ARHGAP17: variants seen among roughly 807,000 people sequenced by gnomAD.
ARHGAP17 encodes rho GTPase-activating protein 17.
In ARHGAP17, 57 loss-of-function variants were observed where a neutral mutation model predicts 99.5. The ratio of observed to expected loss-of-function variants is 0.57; its 90% confidence interval spans 0.46 to 0.71. The LOEUF is 0.71. ARHGAP17 is among the 30% of genes least tolerant of loss of function. ARHGAP17 has a pLI of 0.00. For synonymous variants in ARHGAP17, 417 were observed against 429.6 expected, an observed-to-expected ratio of 0.97 and a Z score of 0.36; for missense variants, 1,000 against 1,122.4, an observed-to-expected ratio of 0.89 and a Z score of 1.56.
In ARHGAP17 at chr16:24,959,757, G is replaced by T; in HGVS notation, c.643-5C>A. On this transcript the variant is annotated splice_region_variant and splice_polypyrimidine_tract_variant and intron_variant, in intron 8 of 19. Coordinates refer to ENST00000289968, the MANE Select transcript of ARHGAP17 (RefSeq NM_001006634.3). ...ATCTGCTTGGGCTTCTAATAACTGA[G>T]AACAGACCCACATTCAAAAACAAAA... The T allele has an allele frequency of 1.9e-6, 3 of 1,613,808 alleles. No individual in the cohort carries two copies. Among genetic ancestry groups the T allele is most frequent in the Non-Finnish European group, 2.5e-6 (3 of 1,179,898 alleles).
intron 1 of ARHGAP17, among the ~76,000 whole-genome samples, chr16:24,997,892 G>A (rs1002918395): frequency 6.6e-6 from 1 of 152,134 alleles, no homozygotes; most frequent in African/African-American, 2.4e-5. Context: ...CTTTTTTCTA[G>A]ATGGTTCTGA....
In ARHGAP17 at chr16:24,942,683, G is replaced by A. The variant is rs977623285; in HGVS notation, c.1334-540C>T. Among the ~76,000 whole-genome samples, 20 of 150,730 alleles carry A rather than the reference G, an allele frequency of 1.3e-4. 1 individual carries two copies. Among genetic ancestry groups the A allele is most frequent in the African/African-American group, 4.7e-4 (19 of 40,670 alleles). ...CTCAGGAGGCTGAGGCAGGAGAATC[G>A]CTTGAACCTGGGAGGCAGAGGTTGC... On this transcript the variant is annotated intron_variant, in intron 15 of 19. Transcript: ENST00000289968.
chr16:24,963,364 G>A (rs985625031), intron 7 of ARHGAP17, among the ~76,000 whole-genome samples: 9 of 151,912 alleles, frequency 5.9e-5, no homozygotes, highest in Non-Finnish European at 1.2e-4. Flanking sequence ...TCATTTAATT[G>A]CAGTTAACTG....
chr16:25,001,405 C>A (rs781505381), intron 1 of ARHGAP17, among the ~76,000 whole-genome samples: 1 of 152,054 alleles, frequency 6.6e-6, no homozygotes, highest in African/African-American at 2.4e-5. Context: ...TATTTTTGAA[C>A]CTTTAGAGCC....
chr16:24,947,635 A>G (rs373514169), intron 13 of ARHGAP17, 40 bp from the exon 14 acceptor site: 1 of 1,532,092 alleles, frequency 6.5e-7, no homozygotes, highest in Non-Finnish European at 9.0e-7. Flanking sequence ...CTCCTCTGAA[A>G]TAGCTGCTGG....
intron 13 of ARHGAP17, among the ~76,000 whole-genome samples, chr16:24,948,735 C>A (rs1435246114): frequency 6.6e-6 from 1 of 151,694 alleles, no homozygotes; most frequent in Non-Finnish European, 1.5e-5. Flanking sequence ...GTAAACTATT[C>A]TGACTGGTCA....
At position 25,015,317 on chromosome 16, in the gene ARHGAP17, C is replaced by A. The variant is rs1290054431; in HGVS notation, c.-56G>T. 2 of 1,259,408 alleles carry A rather than the reference C, an allele frequency of 1.6e-6. No homozygotes were observed. The highest frequency in any genetic ancestry group is 3.1e-5 in the African/African-American group (2 of 63,804). The allele number at this position is 1,259,408 out of a possible 1,614,324, so 78.0% of individuals were successfully genotyped here. Reference sequence around the variant, plus strand: ...TCGGGCCGGGCAGGGCGGGGGACAGCCTGGCAGCTACTACATCGCTTCCCG... The same window carrying A: ...TCGGGCCGGGCAGGGCGGGGGACAGACTGGCAGCTACTACATCGCTTCCCG... On this transcript the variant is annotated 5_prime_UTR_variant, in exon 1 of 20. Transcript: ENST00000289968.
At chr16:24,998,850 T>G (rs2053277206) in intron 1 of ARHGAP17, among the ~76,000 whole-genome samples, 1 of 152,114 alleles carries the variant, frequency 6.6e-6, no homozygotes, top group Non-Finnish European at 1.5e-5. Context: ...GTCACCCACA[T>G]GCCTGACCCC....
At chr16:25,009,556 G>A (rs555879689) in intron 1 of ARHGAP17, among the ~76,000 whole-genome samples, 6 of 152,250 alleles carry the variant, frequency 3.9e-5, no homozygotes, top group African/African-American at 1.4e-4. Flanking sequence ...CGGCAGCAGG[G>A]GACTGTTCTG....
At chr16:24,925,489 C>T (rs551693374) in intron 19 of ARHGAP17, among the ~76,000 whole-genome samples, 3 of 152,156 alleles carry the variant, frequency 2.0e-5, no homozygotes, top group African/African-American at 7.2e-5. Flanking sequence ...GATGATTTCT[C>T]GTCAGTTTTC....
chr16:24,985,931 C>T (rs560015171), intron 1 of ARHGAP17, among the ~76,000 whole-genome samples: 3 of 152,276 alleles, frequency 2.0e-5, no homozygotes, highest in East Asian at 3.9e-4. Flanking sequence ...AACTCCACCA[C>T]CTCCCTTTTT....
chr16:24,940,443 A>G (rs1205041144), intron 16 of ARHGAP17, among the ~76,000 whole-genome samples: 1 of 152,242 alleles, frequency 6.6e-6, no homozygotes, highest in African/African-American at 2.4e-5. Context: ...CTGTAATCTT[A>G]GCACTTTGGG....
chr16:25,006,551 C>T (rs1324749734), intron 1 of ARHGAP17, among the ~76,000 whole-genome samples: 1 of 151,976 alleles, frequency 6.6e-6, no homozygotes, highest in African/African-American at 2.4e-5. Context: ...TGACAGGTGA[C>T]TAGGGAGGGT....
chr16:24,942,233 G>T, intron 15 of ARHGAP17, 90 bp from the exon 16 acceptor site: 1 of 1,329,246 alleles, frequency 7.5e-7, no homozygotes, highest in Non-Finnish European at 1.0e-6. Flanking sequence ...CGGGAACCTC[G>T]TTCTTCAGTC....
At chr16:24,939,215 C>T in intron 17 of ARHGAP17, 149 bp downstream of exon 17, 1 of 691,832 alleles carries the variant, frequency 1.4e-6, no homozygotes, top group Non-Finnish European at 2.3e-6. Flanking sequence ...TCTTTTTTTC[C>T]ATCTTTTGCC....
chr16:24,953,125 C>A, intron 10 of ARHGAP17, 83 bp from the exon 11 acceptor site: 1 of 1,222,524 alleles, frequency 8.2e-7, no homozygotes, highest in South Asian at 1.3e-5. Flanking sequence ...TGGGTATTTC[C>A]TGACTTCCGC....
intron 1 of ARHGAP17, among the ~76,000 whole-genome samples, chr16:24,984,442 G>A (rs898820118): frequency 2.6e-5 from 4 of 152,022 alleles, no homozygotes; most frequent in African/African-American, 7.2e-5. Context: ...CAAGGCAGGC[G>A]GATCACGAGG....
chr16:24,926,662 T>C (rs2050851088), intron 19 of ARHGAP17, among the ~76,000 whole-genome samples: 1 of 152,252 alleles, frequency 6.6e-6, no homozygotes, highest in Non-Finnish European at 1.5e-5. Context: ...TCCAGGCTTA[T>C]GGCTACTTTG....
At chr16:24,978,419 C>T (rs1020389328) in intron 2 of ARHGAP17, among the ~76,000 whole-genome samples, 5 of 152,136 alleles carry the variant, frequency 3.3e-5, no homozygotes, top group Admixed American at 1.3e-4. Flanking sequence ...GGTTCTGCCC[C>T]GCTGGGATGC....
Sources: allele counts gnomAD v4.1 joint callset (sites outside exome capture counted in the v4.1 genomes callset), GRCh38; gene constraint gnomAD v4.1.1; transcripts MANE v1.5; gene names NCBI Gene and HGNC (gene_info 2026-07-23, HGNC 2026-07-21).